The following MVD variants were observed in gnomAD, a reference collection of about 807,000 sequenced individuals.
MVD encodes mevalonate diphosphate decarboxylase.
MVD carries 52 observed loss-of-function variants against 42.4 expected under a neutral mutation model. The observed-to-expected ratio is 1.23, with a 90% CI of 0.98 to 1.55. The LOEUF is 1.55. Ranked by LOEUF, MVD falls within the 40% of genes most tolerant of loss-of-function variation. The pLI, the probability that MVD is intolerant of heterozygous loss-of-function variation, is 0.00. For missense variants in MVD, 663 were observed against 572.1 expected, an observed-to-expected ratio of 1.16 and a Z score of -1.62; for synonymous variants, 287 against 243.2, an observed-to-expected ratio of 1.18 and a Z score of -1.68.
intron 8 of MVD, 35 bp from the exon 9 acceptor site, chr16:88,653,443 C>A: frequency 2.6e-6 from 4 of 1,552,294 alleles, no homozygotes; most frequent in Admixed American, 1.9e-5. Context: ...GTGAATGCAT[C>A]CGTTTCTCTA....
rs190097219 is a variant in MVD, at chr16:88,657,678, C to A, written c.257-96G>T. 2,882 of 1,513,332 alleles carry A rather than the reference C, an allele frequency of 1.9e-3. 18 individuals are homozygous for A. The East Asian group carries it at 0.021, about 11-fold the overall frequency. The allele number at this position is 1,513,332 out of a possible 1,614,324, so 93.7% of individuals were successfully genotyped here. On this transcript the variant is annotated intron_variant, in intron 3 of 9. Transcript: ENST00000301012. ...CCGGGGTCACAGCTGAACACCAGGC[C>A]TCTGCCTGCCAGACTCCTCGTGGAG...
intron 5 of MVD, 150 bp downstream of exon 5, chr16:88,655,955 C>T (rs1297714807): frequency 1.1e-5 from 13 of 1,213,942 alleles, no homozygotes; most frequent in Non-Finnish European, 1.2e-5. Context: ...GGTTCCTGAG[C>T]ACTCAACCAC....
chr16:88,653,192 A>C, intron 9 of MVD, 108 bp downstream of exon 9: 1 of 812,406 alleles, frequency 1.2e-6, no homozygotes, highest in Non-Finnish European at 2.0e-6. Context: ...TGCCTGAGAC[A>C]CGGTAGGGAC....
chr16:88,657,789 G>A lies in MVD; in HGVS notation c.256+126C>T, dbSNP rs746520798. On this transcript the variant is annotated intron_variant, in intron 3 of 9. Coordinates refer to ENST00000301012, the MANE Select transcript of MVD (RefSeq NM_002461.3). The stretch of plus-strand genomic sequence containing the variant: ...ACTGCCCTGGAGCTGGCGGCCCAGC[G>A]GGCATGTCTGGTTCCCAGCCACCCC... The A allele has an allele frequency of 2.6e-5, 33 of 1,249,718 alleles. 1 individual carries two copies. In the Admixed American group the frequency reaches 2.9e-4, roughly 11 times the overall value. The allele number at this position is 1,249,718 out of a possible 1,614,324, so 77.4% of individuals were successfully genotyped here.
rs1908102482 is a variant in MVD, at chr16:88,658,738, G to A, written c.71-18C>T. On this transcript the variant is annotated intron_variant, in intron 1 of 9. Transcript: ENST00000301012. ...CTTGCCCCCTGTAATGAACAGCCAG[G>A]GCCAGGCCGGTGGGCTTCCCGGCCC... The A allele has an allele frequency of 6.2e-7, 1 of 1,603,858 alleles. No individual in the cohort carries two copies. Among genetic ancestry groups the A allele is most frequent in the Non-Finnish European group, 8.5e-7 (1 of 1,175,584 alleles).
chr16:88,662,807 G>A (rs1908394735), intron 1 of MVD: 1 of 1,472,414 alleles, frequency 6.8e-7, no homozygotes, highest in Non-Finnish European at 8.9e-7. Context: ...CCGTCGCGGG[G>A]GAACGGGTGG....
chr16:88,653,238 C>T (rs1907691054), intron 9 of MVD, 62 bp downstream of exon 9: 3 of 1,384,356 alleles, frequency 2.2e-6, no homozygotes, highest in South Asian at 2.5e-5. Flanking sequence ...GCCCTGGGGG[C>T]TGGGCGGGCC....
chr16:88,655,299 G>A lies in MVD; in HGVS notation c.797C>T (p.Thr266Ile). 6.3e-7 allele frequency: 1 copy of A among 1,595,628 alleles called. No homozygotes were observed. Among genetic ancestry groups the A allele is most frequent in the Non-Finnish European group, 8.5e-7 (1 of 1,171,430 alleles). Residue 266 changes from threonine (T) to isoleucine (I), a missense_variant, in exon 7 of 10, where the codon ACC becomes ATC. Thr to Ile is a moderately conservative substitution (Grantham distance 89, BLOSUM62 -1). Coordinates refer to ENST00000301012, the MANE Select transcript of MVD (RefSeq NM_002461.3). ...TMKDSNQFHA[T>I]CLDTFPPISY... is the part of the protein sequence containing the mutation. ...GATGGGCGGGAAGGTGTCGAGGCAG[G>A]TGGCGTGGAACTGGTTGCTGTCCTT...
In MVD at chr16:88,652,392, G is replaced by A; in HGVS notation, c.*133C>T. 2 of 1,002,700 alleles carry A rather than the reference G, an allele frequency of 2.0e-6. No homozygotes were observed. The highest frequency in any genetic ancestry group is 3.0e-6 in the Non-Finnish European group (2 of 659,082). The allele number at this position is 1,002,700 out of a possible 1,614,324, so 62.1% of individuals were successfully genotyped here. On this transcript the variant is annotated 3_prime_UTR_variant, in exon 10 of 10. Coordinates refer to ENST00000301012, the MANE Select transcript of MVD (RefSeq NM_002461.3). ...GCAGGACTCCCTGCACTGCCCCACAGCAAGCTGCCCATGGGCCCGGGGTCA... is the reference window on the plus strand; with the variant it reads ...GCAGGACTCCCTGCACTGCCCCACAACAAGCTGCCCATGGGCCCGGGGTCA...
Position 88,655,745 on chromosome 16 carries a change from G to A in MVD, c.604-15C>T, listed in dbSNP as rs1907878398. 14 of 1,551,860 alleles carry A rather than the reference G, an allele frequency of 9.0e-6. No homozygotes were observed. The highest frequency in any genetic ancestry group is 1.4e-5 in the African/African-American group (1 of 73,120). Reference sequence around the variant, plus strand: ...TCAGCGCTCACCTGCACGAGGGAGAGACAGCCTGGGCCACACCCTGCAGGG... The same window carrying A: ...TCAGCGCTCACCTGCACGAGGGAGAAACAGCCTGGGCCACACCCTGCAGGG... On this transcript the variant is annotated splice_polypyrimidine_tract_variant and intron_variant, in intron 5 of 9. Coordinates refer to ENST00000301012, the MANE Select transcript of MVD (RefSeq NM_002461.3).
In MVD at chr16:88,657,796, T is replaced by C. The variant is rs183979359; in HGVS notation, c.256+119A>G. On this transcript the variant is annotated intron_variant, in intron 3 of 9. Coordinates refer to ENST00000301012, the MANE Select transcript of MVD (RefSeq NM_002461.3). ...TGGAGCTGGCGGCCCAGCGGGCATG[T>C]CTGGTTCCCAGCCACCCCGCCTGCT... 1.7e-3 allele frequency: 2,248 copies of C among 1,289,444 alleles called. 1 individual carries two copies. The highest frequency in any genetic ancestry group is 1.6e-3 in the Non-Finnish European group (1,527 of 929,136). 79.9% of individuals were successfully genotyped at this position (1,289,444 alleles called of 1,614,324 possible).
In MVD at chr16:88,663,054, T is replaced by G. The variant is rs1038622907; in HGVS notation, c.27A>C (p.Ala9=). The G allele has an allele frequency of 2.8e-5, 45 of 1,610,614 alleles. No individual in the cohort carries two copies. The highest frequency in any genetic ancestry group is 3.6e-5 in the Non-Finnish European group (42 of 1,179,004). The change falls in exon 1 of 10, where the codon GCA becomes GCC. Residue 9 remains alanine, a synonymous_variant. Coordinates refer to ENST00000301012, the MANE Select transcript of MVD (RefSeq NM_002461.3). The stretch of plus-strand genomic sequence containing the variant: ...TGTTGACCGGCGCTGTACAAGTGAC[T>G]GCCGCCAGCGGCTTCTCCGAGGCCA... The part of the protein sequence containing the change: MASEKPLA[A]VTCTAPVNIA...
At chr16:88,659,826 C>G (rs929355135) in intron 1 of MVD, among the ~76,000 whole-genome samples, 4 of 151,940 alleles carry the variant, frequency 2.6e-5, no homozygotes, top group Non-Finnish European at 4.4e-5. Flanking sequence ...ATTAGCCAGG[C>G]TGTAGTGACG....
intron 4 of MVD, chr16:88,656,723 C>T (rs952606091): frequency 5.5e-5 from 14 of 255,192 alleles, no homozygotes; most frequent in Non-Finnish European, 8.5e-5. Context: ...CCACCCAGCA[C>T]GGGAGCCACC....
chr16:88,655,507 C>A, intron 6 of MVD, 90 bp from the exon 7 acceptor site: 3 of 1,511,042 alleles, frequency 2.0e-6, no homozygotes, highest in Non-Finnish European at 2.7e-6. Context: ...AGGCCCGGCT[C>A]GAGCCCCATC....
chr16:88,654,256 C>T (rs934271762), intron 8 of MVD, among the ~76,000 whole-genome samples: 5 of 152,168 alleles, frequency 3.3e-5, no homozygotes, highest in East Asian at 1.9e-4. Flanking sequence ...ACTGCCGGGG[C>T]GGGGTCAACA....
intron 1 of MVD, chr16:88,659,111 G>A (rs1213624252): frequency 8.1e-6 from 2 of 247,144 alleles, no homozygotes; most frequent in East Asian, 8.7e-5. Flanking sequence ...GGAACATCCA[G>A]GATAAACCCC....
In MVD at chr16:88,655,313, G is replaced by T. The variant is rs1014224345; in HGVS notation, c.783C>A (p.Asn261Lys). 1 of 1,598,518 alleles carries T rather than the reference G, an allele frequency of 6.3e-7. No individual in the cohort carries two copies. The highest frequency in any genetic ancestry group is 1.3e-5 in the African/African-American group (1 of 74,686). ...SFAQLTMKDS[N>K]QFHATCLDTF... The stretch of plus-strand genomic sequence containing the variant: ...TGTCGAGGCAGGTGGCGTGGAACTG[G>T]TTGCTGTCCTTCATGGTCAGCTGGG... The change falls in exon 7 of 10, where the codon AAC becomes AAA. Residue 261 changes from asparagine to lysine, a missense_variant. Physicochemically the swap from Asn to Lys is moderately conservative, Grantham distance 94 (BLOSUM62 0). Coordinates refer to ENST00000301012, the MANE Select transcript of MVD (RefSeq NM_002461.3).
intron 1 of MVD, chr16:88,662,659 A>G (rs1908381631): frequency 7.8e-7 from 1 of 1,275,268 alleles, no homozygotes; most frequent in Non-Finnish European, 1.0e-6. Flanking sequence ...CTCCCGCCTC[A>G]GCCTCCCGAG....
Sources: allele counts gnomAD v4.1 joint callset (sites outside exome capture counted in the v4.1 genomes callset), GRCh38; gene constraint gnomAD v4.1.1; transcripts MANE v1.5; gene names NCBI Gene and HGNC (gene_info 2026-07-23, HGNC 2026-07-21).